Variants in ULK4 observed in about 807,000 individuals in gnomAD.
The protein encoded by ULK4 is unc-51 like kinase 4.
A neutral mutation model predicts 160.6 loss-of-function variants in ULK4; 133 were observed. The observed-to-expected ratio is 0.83, with a 90% CI of 0.72 to 0.96. The LOEUF is 0.96. ULK4 is among the 40% of genes least tolerant of loss of function. The probability of loss-of-function intolerance (pLI) is 0.00; values close to 1 mark genes in which losing one functional copy is unlikely to be tolerated. For synonymous variants in ULK4, 534 were observed against 539.8 expected, an observed-to-expected ratio of 0.99 and a Z score of 0.15; for missense variants, 1,580 against 1,499.5, an observed-to-expected ratio of 1.05 and a Z score of -0.89.
intron 31 of ULK4, among the ~76,000 whole-genome samples, chr3:41,601,106 G>GA (rs796456907): frequency 2.0e-5 from 3 of 152,096 alleles, no homozygotes; most frequent in South Asian, 2.1e-4. Context: ...TTCTTTAGGA[G>GA]AAAAAATCCA....
chr3:41,596,729 G>A (rs556562770), intron 31 of ULK4, among the ~76,000 whole-genome samples: 15 of 152,256 alleles, frequency 9.9e-5, no homozygotes, highest in Non-Finnish European at 1.8e-4. Flanking sequence ...TGAGGTGTGC[G>A]TAGGGGGATG....
intron 35 of ULK4, among the ~76,000 whole-genome samples, chr3:41,346,540 C>G (rs2080803607): frequency 6.6e-6 from 1 of 152,068 alleles, no homozygotes; most frequent in South Asian, 2.1e-4. Context: ...GTAAGTCAGA[C>G]CGAGGCAGGT....
chr3:41,305,828 C>T (rs1289331178), intron 35 of ULK4, among the ~76,000 whole-genome samples: 3 of 149,932 alleles, frequency 2.0e-5, no homozygotes, highest in Admixed American at 6.6e-5. Flanking sequence ...CGTCTCTGCC[C>T]GGCCGCCCAT....
intron 35 of ULK4, among the ~76,000 whole-genome samples, chr3:41,332,059 C>T (rs1355263415): frequency 6.6e-6 from 1 of 151,914 alleles, no homozygotes; most frequent in Non-Finnish European, 1.5e-5. Context: ...GAAATACAAG[C>T]CATTAATTAA....
chr3:41,809,831 G>T (rs538726315), intron 19 of ULK4, among the ~76,000 whole-genome samples: 1 of 151,632 alleles, frequency 6.6e-6, no homozygotes, highest in Admixed American at 6.6e-5. Context: ...TTCTAAAATC[G>T]ACTTAAGTTT....
intron 34 of ULK4, among the ~76,000 whole-genome samples, chr3:41,441,451 C>G (rs2083166882): frequency 6.6e-6 from 1 of 151,926 alleles, no homozygotes; most frequent in Non-Finnish European, 1.5e-5. Context: ...TTCCAAGTAT[C>G]TTTTTTAAAT....
At chr3:41,627,943 C>CA (rs1167846638) in intron 30 of ULK4, among the ~76,000 whole-genome samples, 2 of 152,050 alleles carry the variant, frequency 1.3e-5, no homozygotes, top group African/African-American at 4.8e-5. Context: ...GTCAGTGTGA[C>CA]AGATGGAACA....
At chr3:41,961,550 A>ACCCCTTCCCCCCC (rs57463009) in intron 1 of ULK4, among the ~76,000 whole-genome samples, 1 of 124,692 alleles carries the variant, frequency 8.0e-6, no homozygotes, top group African/African-American at 4.3e-5. Context: ...GTAGTCACTC[A>ACCCCTTCCCCCCC]CCCCCCCCCC....
At chr3:41,396,460 A>C (rs547173801) in intron 35 of ULK4, among the ~76,000 whole-genome samples, 71 of 152,262 alleles carry the variant, frequency 4.7e-4, no homozygotes, top group African/African-American at 1.7e-3. Flanking sequence ...CAGTTTTGCC[A>C]TATCTACAGA....
At chr3:41,524,477 G>A (rs1258582328) in intron 32 of ULK4, among the ~76,000 whole-genome samples, 2 of 152,176 alleles carry the variant, frequency 1.3e-5, no homozygotes, top group Non-Finnish European at 2.9e-5. Flanking sequence ...TCAAAAGAAA[G>A]TAAAGAGGAA....
chr3:41,615,893 G>A (rs890368826), intron 30 of ULK4, among the ~76,000 whole-genome samples, 176 bp from the exon 31 acceptor site: 1 of 152,134 alleles, frequency 6.6e-6, no homozygotes, highest in African/African-American at 2.4e-5. Context: ...CAAGAAATAT[G>A]AGGCTTTTTT....
At chr3:41,794,520 C>T (rs1436059655) in intron 20 of ULK4, among the ~76,000 whole-genome samples, 2 of 151,246 alleles carry the variant, frequency 1.3e-5, no homozygotes, top group Non-Finnish European at 2.9e-5. Context: ...AAAAATTGGC[C>T]GGGCATGGTG....
At chr3:41,491,611 A>G (rs9834824) in intron 32 of ULK4, among the ~76,000 whole-genome samples, 62,387 of 151,946 alleles carry the variant, frequency 0.41, 12,994 homozygotes, top group African/African-American at 0.44. Flanking sequence ...TACTCCCACA[A>G]CTTATAACAC....
intron 35 of ULK4, among the ~76,000 whole-genome samples, chr3:41,261,801 G>A (rs1360887547): frequency 1.3e-5 from 2 of 152,154 alleles, no homozygotes; most frequent in East Asian, 3.9e-4. Context: ...CTGATATGGA[G>A]AGCACCATAC....
At chr3:41,782,288 G>C (rs1393263148) in intron 21 of ULK4, among the ~76,000 whole-genome samples, 1 of 151,812 alleles carries the variant, frequency 6.6e-6, no homozygotes, top group Non-Finnish European at 1.5e-5. Flanking sequence ...TCCAGATTCT[G>C]TTCTTGTCCT....
At chr3:41,663,830 T>A in intron 29 of ULK4, 131 bp from the exon 30 acceptor site, 1 of 717,808 alleles carries the variant, frequency 1.4e-6, no homozygotes, top group Non-Finnish European at 2.3e-6. Context: ...AAGATTTAAG[T>A]AATTTACCTC....
intron 22 of ULK4, among the ~76,000 whole-genome samples, chr3:41,733,669 T>C (rs1450797537): frequency 6.6e-6 from 1 of 151,174 alleles, no homozygotes; most frequent in Non-Finnish European, 1.5e-5. Context: ...AGACATTCCA[T>C]TGAAAAATTA....
intron 17 of ULK4, among the ~76,000 whole-genome samples, chr3:41,864,090 A>C (rs2042564451): frequency 6.6e-6 from 1 of 152,158 alleles, no homozygotes; most frequent in Non-Finnish European, 1.5e-5. Flanking sequence ...TGCAGCGCTC[A>C]GTGGTACGAT....
chr3:41,927,091 G>A (rs1185168695), intron 5 of ULK4, among the ~76,000 whole-genome samples: 1 of 152,176 alleles, frequency 6.6e-6, no homozygotes, highest in African/African-American at 2.4e-5. Context: ...GTTAAGGGCA[G>A]CCAGAGAGAA....
Sources: gnomAD v4.1 joint callset for allele counts (sites outside exome capture counted in the v4.1 genomes callset) on GRCh38, gnomAD v4.1.1 for gene constraint, MANE v1.5 for transcripts, NCBI Gene and HGNC (gene_info 2026-07-23, HGNC 2026-07-21) for gene names.